TP63: variants seen among roughly 807,000 people sequenced by gnomAD.
TP63 encodes the protein tumor protein 63.
TP63 carries 17 observed loss-of-function variants against 82.8 expected under a neutral mutation model. That is an observed-to-expected ratio of 0.21 (90% CI 0.14 to 0.31). The LOEUF (loss-of-function observed/expected upper bound fraction) is 0.31. Among genes scored for constraint, TP63 ranks in the 10% least tolerant of loss-of-function variants. The pLI is 1.00. For missense variants in TP63, 648 were observed against 895.3 expected, an observed-to-expected ratio of 0.72 and a Z score of 3.52; for synonymous variants, 330 against 321.7, an observed-to-expected ratio of 1.03 and a Z score of -0.28.
chr3:189,700,559 A>T (rs1159349184), intron 1 of TP63, among the ~76,000 whole-genome samples: 1 of 152,214 alleles, frequency 6.6e-6, no homozygotes. Flanking sequence ...TGAGGTAGGT[A>T]GGTAGATGGG....
chr3:189,829,963 T>A, intron 4 of TP63: 1 of 345,886 alleles, frequency 2.9e-6, no homozygotes, highest in Non-Finnish European at 6.0e-6. Context: ...TTTTCTTAAA[T>A]TGTATAAAGA....
chr3:189,886,118 GA>G (rs1226085751), intron 10 of TP63, among the ~76,000 whole-genome samples: 1 of 152,292 alleles, frequency 6.6e-6, no homozygotes, highest in East Asian at 1.9e-4. Context: ...GGGAAAAGAG[GA>G]GGCAAGAATT....
At chr3:189,729,086 A>G (rs943473842) in intron 1 of TP63, among the ~76,000 whole-genome samples, 3 of 152,216 alleles carry the variant, frequency 2.0e-5, no homozygotes, top group Admixed American at 6.5e-5. Flanking sequence ...AAGGCTGATC[A>G]TTACATAGTC....
chr3:189,658,755 T>C (rs1198263881), intron 1 of TP63, among the ~76,000 whole-genome samples: 1 of 151,926 alleles, frequency 6.6e-6, no homozygotes, highest in South Asian at 2.1e-4. Context: ...TGAATAAACA[T>C]AATGTGGTAT....
At position 189,672,656 on chromosome 3, in the gene TP63, G is replaced by GGAAA. The variant is rs1323361480; in HGVS notation, c.62+41082_62+41083insAGAA. Among the ~76,000 whole-genome samples, 462 of 118,792 alleles carry GGAAA rather than the reference G, an allele frequency of 3.9e-3. 1 individual carries two copies. Among genetic ancestry groups the GGAAA allele is most frequent in the South Asian group, 5.9e-3 (20 of 3,418 alleles). The allele number at this position is 118,792 out of a possible 152,430, so 77.9% of individuals were successfully genotyped here. A position where few individuals can be genotyped will look rare whatever the true frequency, so the allele number is the denominator to read the frequency against. On this transcript the variant is annotated intron_variant, in intron 1 of 13. Coordinates refer to ENST00000264731, the MANE Select transcript of TP63 (RefSeq NM_003722.5). ...AGGAAGGGAGGGAGGGAGGGAGGAAGGAAGGAAAGAAGGAAGGAAGGAAGG... is the reference window on the plus strand; with the variant it reads ...AGGAAGGGAGGGAGGGAGGGAGGAAGGAAAGAAGGAAAGAAGGAAGGAAGGAAGG...
chr3:189,713,457 C>T (rs571870924), intron 1 of TP63, among the ~76,000 whole-genome samples: 24 of 152,188 alleles, frequency 1.6e-4, no homozygotes, highest in Admixed American at 2.6e-4. Context: ...TCATTTGAAA[C>T]GAGTTCATCT....
At chr3:189,761,178 G>A (rs1203419303) in intron 3 of TP63, among the ~76,000 whole-genome samples, 2 of 152,172 alleles carry the variant, frequency 1.3e-5, no homozygotes, top group Non-Finnish European at 2.9e-5. Context: ...TAGGCTGCTT[G>A]TTACTTATGC....
intron 4 of TP63, among the ~76,000 whole-genome samples, chr3:189,835,999 C>T (rs1231676411): frequency 4.0e-5 from 6 of 150,730 alleles, no homozygotes; most frequent in Non-Finnish European, 7.4e-5. Flanking sequence ...ATTTGGCTCA[C>T]GCGTCAGACT....
At chr3:189,826,316 T>C (rs1729343415) in intron 4 of TP63, among the ~76,000 whole-genome samples, 1 of 152,232 alleles carries the variant, frequency 6.6e-6, no homozygotes. Flanking sequence ...GGAAAAGGCA[T>C]TGATTAGTCC....
chr3:189,820,303 AG>A (rs968149428), intron 4 of TP63, among the ~76,000 whole-genome samples: 4 of 152,232 alleles, frequency 2.6e-5, no homozygotes, highest in Admixed American at 2.0e-4. Context: ...CTCTTCAAAA[AG>A]CAATTAAATA....
chr3:189,650,944 T>C (rs1257727578), intron 1 of TP63, among the ~76,000 whole-genome samples: 1 of 147,086 alleles, frequency 6.8e-6, no homozygotes, highest in Non-Finnish European at 1.5e-5. Flanking sequence ...GGTTTGGAAC[T>C]TTCTGGAGAC....
intron 3 of TP63, among the ~76,000 whole-genome samples, chr3:189,760,480 C>A (rs1479582015): frequency 6.6e-6 from 1 of 152,216 alleles, no homozygotes; most frequent in African/African-American, 2.4e-5. Flanking sequence ...AAAATGGTCT[C>A]CTTTGACTGC....
chr3:189,825,838 C>A (rs1729292855), intron 4 of TP63, among the ~76,000 whole-genome samples: 1 of 152,128 alleles, frequency 6.6e-6, no homozygotes, highest in South Asian at 2.1e-4. Flanking sequence ...CTCAACACAT[C>A]ATTTGGAAAG....
the TP63 span, among the ~76,000 whole-genome samples, chr3:189,597,109 G>C: frequency 6.6e-6 from 1 of 152,270 alleles, no homozygotes; most frequent in South Asian, 2.1e-4. Context: ...GCCAGGGTCC[G>C]CGGCTTCATT....
intron 3 of TP63, among the ~76,000 whole-genome samples, chr3:189,759,699 C>T (rs146509667): frequency 2.0e-4 from 31 of 152,208 alleles, no homozygotes; most frequent in East Asian, 9.7e-4. Flanking sequence ...GGAGTGTCTG[C>T]GTTGAGATAA....
rs147945575 is a variant in TP63 at position 189,679,941 on chromosome 3, T to G, written c.62+48364T>G. ...AATTAACCACAAATGCATAGATTTA[T>G]TTCTAAGCTCTCTATTCTGTTCCAT... On this transcript the variant is annotated intron_variant, in intron 1 of 13. Transcript: ENST00000264731. Among the ~76,000 whole-genome samples the G allele has an allele frequency of 9.1e-4, 139 of 152,332 alleles. 1 individual carries two copies. The Middle Eastern group carries it at 0.017, about 19-fold the overall frequency.
At chr3:189,648,327 T>G (rs1190739581) in intron 1 of TP63, among the ~76,000 whole-genome samples, 1 of 146,820 alleles carries the variant, frequency 6.8e-6, no homozygotes, top group Non-Finnish European at 1.5e-5. Context: ...AGTTTACTTT[T>G]TTATTATGCT....
intron 3 of TP63, among the ~76,000 whole-genome samples, chr3:189,758,785 A>T (rs1325890091): frequency 1.3e-5 from 2 of 152,174 alleles, no homozygotes; most frequent in Non-Finnish European, 2.9e-5. Flanking sequence ...GATATGTTCC[A>T]CTGCTGACAC....
intron 1 of TP63, among the ~76,000 whole-genome samples, chr3:189,632,390 G>C (rs527571771): frequency 6.6e-6 from 1 of 152,258 alleles, no homozygotes; most frequent in Non-Finnish European, 1.5e-5. Flanking sequence ...TTTACCACCT[G>C]TGTCTGTTGG....
Sources: gnomAD v4.1 joint callset for allele counts (sites outside exome capture counted in the v4.1 genomes callset) on GRCh38, gnomAD v4.1.1 for gene constraint, MANE v1.5 for transcripts, NCBI Gene and HGNC (gene_info 2026-07-23, HGNC 2026-07-21) for gene names.